The following TSHR variants were observed in gnomAD, a reference collection of about 807,000 sequenced individuals.
TSHR encodes thyroid stimulating hormone receptor.
Under a neutral mutation model 64.1 loss-of-function variants are expected in TSHR, and 51 were observed. The observed-to-expected ratio is 0.80, with a 90% CI of 0.64 to 1.01. The LOEUF is 1.01. Among genes scored for constraint, TSHR ranks in the 50% least tolerant of loss-of-function variants. The probability of loss-of-function intolerance (pLI) is 0.00; values close to 1 mark genes in which losing one functional copy is unlikely to be tolerated. For synonymous variants in TSHR, 361 were observed against 361.9 expected, an observed-to-expected ratio of 1.00 and a Z score of 0.03; for missense variants, 877 against 942.8, an observed-to-expected ratio of 0.93 and a Z score of 0.91.
At chr14:81,025,819 G>GA (rs34354965) in intron 1 of TSHR, among the ~76,000 whole-genome samples, 53,655 of 152,072 alleles carry the variant, frequency 0.35, 11,547 homozygotes, top group South Asian at 0.47. Flanking sequence ...GTCATTATTA[G>GA]AAAATCTTCA....
intron 8 of TSHR, among the ~76,000 whole-genome samples, chr14:81,116,203 A>G (rs371067767): frequency 6.7e-6 from 1 of 150,000 alleles, no homozygotes; most frequent in Non-Finnish European, 1.5e-5. Context: ...ATGTAAATGG[A>G]CTAAATGCTC....
chr14:80,968,603 G>A (rs998867609), intron 1 of TSHR, among the ~76,000 whole-genome samples: 3 of 152,174 alleles, frequency 2.0e-5, no homozygotes, highest in African/African-American at 7.2e-5. Context: ...TGGTTGAGTT[G>A]ATTGCCTGAT....
intron 1 of TSHR, among the ~76,000 whole-genome samples, chr14:80,970,521 T>TG (rs2139701244): frequency 6.6e-6 from 1 of 152,322 alleles, no homozygotes; most frequent in African/African-American, 2.4e-5. Flanking sequence ...GAGCTTTCAT[T>TG]CTCTTCTTGG....
intron 1 of TSHR, among the ~76,000 whole-genome samples, chr14:80,962,270 G>C (rs1375927438): frequency 2.6e-5 from 4 of 152,176 alleles, no homozygotes; most frequent in Admixed American, 6.5e-5. Flanking sequence ...TGAACTCATT[G>C]ATGAGTGTAT....
intron 7 of TSHR, chr14:81,107,192 A>G (rs2140026755): frequency 6.6e-6 from 1 of 152,176 alleles, no homozygotes; most frequent in Admixed American, 6.5e-5. Context: ...TGGAGAAGAA[A>G]TCCTTCCGAC....
chr14:81,060,289 C>T (rs941259444), intron 1 of TSHR, among the ~76,000 whole-genome samples: 2 of 152,112 alleles, frequency 1.3e-5, no homozygotes, highest in African/African-American at 4.8e-5. Context: ...CTTTTGTTTT[C>T]CTTTGGCATG....
At chr14:81,107,266 C>T (rs1474617390) in intron 7 of TSHR, 2 of 152,106 alleles carry the variant, frequency 1.3e-5, no homozygotes, top group Admixed American at 6.5e-5. Flanking sequence ...GAGCAAACCC[C>T]GTAAGTAGAA....
chr14:81,000,887 ATCTC>A, intron 1 of TSHR, among the ~76,000 whole-genome samples: 1 of 152,154 alleles, frequency 6.6e-6, no homozygotes. Flanking sequence ...CTGTCTCTCA[ATCTC>A]TCTCCCATTC....
At chr14:81,011,643 A>G (rs997567189) in intron 1 of TSHR, among the ~76,000 whole-genome samples, 9 of 152,236 alleles carry the variant, frequency 5.9e-5, no homozygotes, top group Admixed American at 1.3e-4. Flanking sequence ...ATCAGGTTCT[A>G]AAAATTATGC....
At chr14:80,983,729 T>C (rs1888293359) in intron 1 of TSHR, 1 of 442,828 alleles carries the variant, frequency 2.3e-6, no homozygotes, top group Non-Finnish European at 4.1e-6. Flanking sequence ...TTGGTTATTA[T>C]GGTGTACAAG....
intron 1 of TSHR, chr14:81,012,400 T>A: frequency 6.6e-6 from 1 of 151,886 alleles, no homozygotes; most frequent in Non-Finnish European, 1.5e-5. Flanking sequence ...GCAATAAACA[T>A]ACGTGTGCAT....
chr14:80,964,732 T>G (rs1194502434), intron 1 of TSHR, among the ~76,000 whole-genome samples: 1 of 152,012 alleles, frequency 6.6e-6, no homozygotes, highest in Non-Finnish European at 1.5e-5. Context: ...TGGAATAATT[T>G]GGCATTTTGT....
rs1384603967 is a variant in TSHR at position 81,068,301 on chromosome 14, T to C, written c.290T>C (p.Phe97Ser). The change falls in exon 3 of 10, where the codon TTC (phenylalanine) becomes TCC (serine). Residue 97 changes from phenylalanine to serine, a missense_variant. Transcript: ENST00000298171. Reference protein sequence around the residue: ...VTLQQLESHSFYNLSKVTHIE... With the variant: ...VTLQQLESHSSYNLSKVTHIE... ...CTGCAGCAGCTGGAATCACACTCCT[T>C]CTACAATTTGAGTAAAGTGACTCAC... The C allele has an allele frequency of 6.2e-7, 1 of 1,613,246 alleles. No individual in the cohort carries two copies. Among genetic ancestry groups the C allele is most frequent in the Non-Finnish European group, 8.5e-7 (1 of 1,179,440 alleles).
At chr14:81,112,227 T>A (rs753795406) in intron 8 of TSHR, among the ~76,000 whole-genome samples, 18 of 152,192 alleles carry the variant, frequency 1.2e-4, no homozygotes, top group Non-Finnish European at 2.6e-4. Flanking sequence ...CTAATAAAGT[T>A]TAAATAAGAT....
intron 8 of TSHR, among the ~76,000 whole-genome samples, chr14:81,118,883 A>G (rs947843201): frequency 2.7e-5 from 4 of 149,638 alleles, no homozygotes; most frequent in African/African-American, 1.0e-4. Flanking sequence ...GCATGTCTAC[A>G]ACTATCTGAT....
At chr14:81,041,320 A>G (rs1884911631) in intron 1 of TSHR, among the ~76,000 whole-genome samples, 1 of 152,220 alleles carries the variant, frequency 6.6e-6, no homozygotes, top group Non-Finnish European at 1.5e-5. Context: ...CATATACACC[A>G]TGGAATACTA....
At chr14:81,018,524 TG>T (rs1883549634) in intron 1 of TSHR, among the ~76,000 whole-genome samples, 1 of 152,134 alleles carries the variant, frequency 6.6e-6, no homozygotes, top group Non-Finnish European at 1.5e-5. Flanking sequence ...AATGGGTAAG[TG>T]CTGTGTGGGG....
rs545315489 is a variant in TSHR at position 81,041,452 on chromosome 14, A to G, written c.171-20696A>G. ...CAAATACAGCATGTCCTCAGTTATA[A>G]GTGGGAACTAAATAATGAGAACACA... On this transcript the variant is annotated intron_variant, in intron 1 of 9. Transcript: ENST00000298171. 3.3e-5 allele frequency among the ~76,000 whole-genome samples: 5 copies of G among 152,262 alleles called. No homozygotes were observed. The East Asian group carries it at 9.6e-4, about 29-fold the overall frequency.
chr14:81,145,286 T>C lies in TSHR; in HGVS notation c.*933T>C, dbSNP rs1476357589. 2 of 232,968 alleles carry C rather than the reference T, an allele frequency of 8.6e-6. No individual in the cohort carries two copies. Among genetic ancestry groups the C allele is most frequent in the African/African-American group, 4.4e-5 (2 of 45,332 alleles). 14.4% of individuals were successfully genotyped at this position (232,968 alleles called of 1,614,324 possible). ...ACATCCCTTTCCCTCAAATATATAT[T>C]TCTAAGATAAAGAGAAAGAAGAGCA... On this transcript the variant is annotated 3_prime_UTR_variant, in exon 10 of 10. Coordinates refer to ENST00000298171, the MANE Select transcript of TSHR (RefSeq NM_000369.5).
Sources: allele counts gnomAD v4.1 joint callset (sites outside exome capture counted in the v4.1 genomes callset), GRCh38; gene constraint gnomAD v4.1.1; transcripts MANE v1.5; gene names NCBI Gene and HGNC (gene_info 2026-07-23, HGNC 2026-07-21).